VTA1: variants seen among roughly 807,000 people sequenced by gnomAD.
The protein encoded by VTA1 is vesicle trafficking 1, also known as vacuolar protein sorting-associated protein VTA1 homolog.
Under a neutral mutation model 36.9 loss-of-function variants are expected in VTA1, and 24 were observed. That is an observed-to-expected ratio of 0.65 (90% CI 0.47 to 0.91). The LOEUF (loss-of-function observed/expected upper bound fraction) is 0.91. Ranked by LOEUF, VTA1 falls within the 40% of genes least tolerant of loss-of-function variation. The pLI, the probability that VTA1 is intolerant of heterozygous loss-of-function variation, is 0.00. For synonymous variants in VTA1, 142 were observed against 130.2 expected (o/e 1.09, Z -0.62); for missense variants, 393 against 377.2 (o/e 1.04, Z -0.35).
rs185140531 is a variant in VTA1, at chr6:142,164,686, G to A, written c.113-1542G>A. On this transcript the variant is annotated intron_variant, in intron 1 of 7. Coordinates refer to ENST00000367630, the MANE Select transcript of VTA1 (RefSeq NM_016485.5). ...ATAAAGCTCTAGTAAATTAAACAAC[G>A]GTAGACCCATAGAATAACACAGCAG... is the stretch of plus-strand genomic sequence containing the variant. Among the ~76,000 whole-genome samples the A allele has an allele frequency of 5.1e-3, 782 of 152,162 alleles. 3 individuals carry two copies. The highest frequency in any genetic ancestry group is 0.037 in the Middle Eastern group (11 of 294).
intron 1 of VTA1, among the ~76,000 whole-genome samples, chr6:142,163,634 T>C (rs1482946028): frequency 6.6e-6 from 1 of 151,970 alleles, no homozygotes; most frequent in Non-Finnish European, 1.5e-5. Flanking sequence ...TCAGAAAATG[T>C]AGAGGAGTAT....
rs1776162240 is a variant in VTA1 at position 142,224,222 on chromosome 6, G to A, written c.*5579G>A. On this transcript the variant is annotated 3_prime_UTR_variant, in exon 8 of 8. Coordinates refer to ENST00000367630, the MANE Select transcript of VTA1 (RefSeq NM_016485.5). The stretch of plus-strand genomic sequence containing the variant: ...AAGAGGCCATGTGAGGACACGCAGA[G>A]GCTCGAATATGCTCTCAACCCTATC... 1 of 152,214 alleles carries A rather than the reference G, an allele frequency of 6.6e-6. No homozygotes were observed. Among genetic ancestry groups the A allele is most frequent in the African/African-American group, 2.4e-5 (1 of 41,460 alleles). 9.4% of individuals were successfully genotyped at this position (152,214 alleles called of 1,614,324 possible). A position where few individuals can be genotyped will look rare whatever the true frequency, so the allele number is the denominator to read the frequency against.
intron 4 of VTA1, among the ~76,000 whole-genome samples, chr6:142,171,177 C>T (rs745470527): frequency 1.3e-5 from 2 of 152,102 alleles, no homozygotes; most frequent in African/African-American, 4.8e-5. Context: ...TCACTGCAAC[C>T]TCCGCCTCCC....
At chr6:142,148,987 T>A (rs546068366) in intron 1 of VTA1, among the ~76,000 whole-genome samples, 2 of 152,344 alleles carry the variant, frequency 1.3e-5, no homozygotes, top group African/African-American at 4.8e-5. Flanking sequence ...TCCCGATCCC[T>A]GTATCATGTA....
intron 4 of VTA1, among the ~76,000 whole-genome samples, chr6:142,171,415 G>T (rs1379148513): frequency 6.6e-6 from 1 of 151,960 alleles, no homozygotes; most frequent in African/African-American, 2.4e-5. Flanking sequence ...ATCTTTTTAT[G>T]ACTTTTTTTC....
intron 4 of VTA1, 28 bp from the exon 5 acceptor site, chr6:142,189,398 A>T: frequency 6.5e-7 from 1 of 1,530,256 alleles, no homozygotes; most frequent in Non-Finnish European, 9.0e-7. Flanking sequence ...CCATAGTCCA[A>T]TGTTGATATA....
rs889300740 is a variant in VTA1, at chr6:142,224,256, G to A, written c.*5613G>A. On this transcript the variant is annotated 3_prime_UTR_variant, in exon 8 of 8. Transcript: ENST00000367630. ...ATGCTCTCAACCCTATCAGTTGCCT[G>A]CTTTAATTCATCCCATGGAATTGTT... The A allele has an allele frequency of 6.6e-6, 1 of 152,180 alleles. No individual in the cohort carries two copies. Among genetic ancestry groups the A allele is most frequent in the African/African-American group, 2.4e-5 (1 of 41,442 alleles). 9.4% of individuals were successfully genotyped at this position (152,180 alleles called of 1,614,324 possible).
intron 1 of VTA1, among the ~76,000 whole-genome samples, chr6:142,150,228 A>T (rs1404941113): frequency 6.6e-6 from 1 of 152,064 alleles, no homozygotes; most frequent in Non-Finnish European, 1.5e-5. Context: ...TGTGGGCCTG[A>T]TTCTGCTTTT....
intron 7 of VTA1, among the ~76,000 whole-genome samples, chr6:142,215,167 G>A (rs777173615): frequency 5.5e-4 from 84 of 152,216 alleles, no homozygotes; most frequent in African/African-American, 1.8e-3. Context: ...GGCCAGGCGC[G>A]GTGGCACACG....
intron 4 of VTA1, among the ~76,000 whole-genome samples, chr6:142,177,447 T>C (rs976561893): frequency 6.6e-6 from 1 of 152,128 alleles, no homozygotes; most frequent in Admixed American, 6.5e-5. Flanking sequence ...TGAGGAAATA[T>C]ATGTAAAGCC....
Position 142,222,009 on chromosome 6 carries a change from T to C in VTA1, c.*3366T>C, listed in dbSNP as rs1267168980. 3 of 151,694 alleles carry C rather than the reference T, an allele frequency of 2.0e-5. No homozygotes were observed. Among genetic ancestry groups the C allele is most frequent in the African/African-American group, 7.3e-5 (3 of 41,346 alleles). The allele number at this position is 151,694 out of a possible 1,614,324, so 9.4% of individuals were successfully genotyped here. ...GTATTACAATAATCAAGGTGAGATATTATGATGTCTTAGTCCAGGAGTAGC... is the reference window on the plus strand; with the variant it reads ...GTATTACAATAATCAAGGTGAGATACTATGATGTCTTAGTCCAGGAGTAGC... On this transcript the variant is annotated 3_prime_UTR_variant, in exon 8 of 8. Transcript: ENST00000367630.
rs1776073227 is a variant in VTA1, at chr6:142,219,880, A to C, written c.*1237A>C. The stretch of plus-strand genomic sequence containing the variant: ...GTTTCTTTGAAACAAGCCTACACTC[A>C]TTCATTTATGTTTTGTCTGTGGTTG... On this transcript the variant is annotated 3_prime_UTR_variant, in exon 8 of 8. Coordinates refer to ENST00000367630, the MANE Select transcript of VTA1 (RefSeq NM_016485.5). The C allele has an allele frequency of 6.6e-6, 1 of 152,182 alleles. No homozygotes were observed. The highest frequency in any genetic ancestry group is 1.5e-5 in the Non-Finnish European group (1 of 68,032). The allele number at this position is 152,182 out of a possible 1,614,324, so 9.4% of individuals were successfully genotyped here.
chr6:142,182,437 AG>A (rs1294056150), intron 4 of VTA1, among the ~76,000 whole-genome samples: 2 of 152,186 alleles, frequency 1.3e-5, no homozygotes, highest in Non-Finnish European at 2.9e-5. Flanking sequence ...AGAGTGGAAA[AG>A]GCAAACTCAT....
At chr6:142,215,176 C>T (rs747322684) in intron 7 of VTA1, among the ~76,000 whole-genome samples, 9 of 152,244 alleles carry the variant, frequency 5.9e-5, no homozygotes, top group East Asian at 1.9e-4. Context: ...CGGTGGCACA[C>T]GCCTGTAATC....
Position 142,166,262 on chromosome 6 carries a change from C to T in VTA1, c.147C>T (p.Ile49=). ...RLYAMQTGMK[I]DSKTPECRKF... ...ACGCAATGCAGACTGGAATGAAGAT[C>T]GATAGTAAAACTCCTGAATGTCGCA... The change falls in exon 2 of 8, where the codon ATC becomes ATT. Residue 49 remains isoleucine (I), a synonymous_variant. Coordinates refer to ENST00000367630, the MANE Select transcript of VTA1 (RefSeq NM_016485.5). The T allele has an allele frequency of 2.5e-6, 4 of 1,611,776 alleles. No homozygotes were observed. The highest frequency in any genetic ancestry group is 1.1e-5 in the South Asian group (1 of 90,732).
At position 142,222,355 on chromosome 6, in the gene VTA1, T is replaced by A. The variant is rs900303859; in HGVS notation, c.*3712T>A. On this transcript the variant is annotated 3_prime_UTR_variant, in exon 8 of 8. Coordinates refer to ENST00000367630, the MANE Select transcript of VTA1 (RefSeq NM_016485.5). ...CTGCTGACAATGATTGCCACAGATATCTCACCAAATCACTGCTGAACTGGA... is the reference window on the plus strand; with the variant it reads ...CTGCTGACAATGATTGCCACAGATAACTCACCAAATCACTGCTGAACTGGA... The A allele has an allele frequency of 2.0e-5, 3 of 152,182 alleles. No homozygotes were observed. Among genetic ancestry groups the A allele is most frequent in the Admixed American group, 2.0e-4 (3 of 15,268 alleles). 9.4% of individuals were successfully genotyped at this position (152,182 alleles called of 1,614,324 possible).
At chr6:142,181,903 C>T (rs1296402643) in intron 4 of VTA1, among the ~76,000 whole-genome samples, 2 of 152,138 alleles carry the variant, frequency 1.3e-5, no homozygotes, top group East Asian at 3.8e-4. Context: ...TCAGGAAATA[C>T]ATGTAATCTG....
intron 5 of VTA1, 96 bp from the exon 6 acceptor site, chr6:142,198,343 A>G (rs1775607860): frequency 1.7e-6 from 2 of 1,162,222 alleles, no homozygotes; most frequent in African/African-American, 3.2e-5. Flanking sequence ...AATTGCATTT[A>G]AAGATTCCAT....
chr6:142,154,414 T>G (rs969886637), intron 1 of VTA1, among the ~76,000 whole-genome samples: 9 of 152,106 alleles, frequency 5.9e-5, no homozygotes, highest in African/African-American at 2.2e-4. Flanking sequence ...GTGACAATTA[T>G]GAATAAAGTG....
Sources: gnomAD v4.1 joint callset for allele counts (sites outside exome capture counted in the v4.1 genomes callset) on GRCh38, gnomAD v4.1.1 for gene constraint, MANE v1.5 for transcripts, NCBI Gene and HGNC (gene_info 2026-07-23, HGNC 2026-07-21) for gene names.